Variants in LRCH3 observed in about 807,000 individuals in gnomAD.
LRCH3 encodes the protein leucine rich repeats and calponin homology domain containing 3.
A neutral mutation model predicts 104.5 loss-of-function variants in LRCH3; 68 were observed. The ratio of observed to expected loss-of-function variants is 0.65; its 90% confidence interval spans 0.54 to 0.80. LRCH3 has a LOEUF of 0.80. Ranked by LOEUF, LRCH3 falls within the 30% of genes least tolerant of loss-of-function variation. The pLI is 0.00. For missense variants in LRCH3, 951 were observed against 953.9 expected (o/e 1.00, Z 0.04); for synonymous variants, 344 against 361.3 (o/e 0.95, Z 0.54).
At chr3:197,791,689 A>G in intron 1 of LRCH3, 149 bp downstream of exon 1, 1 of 922,940 alleles carries the variant, frequency 1.1e-6, no homozygotes, top group Non-Finnish European at 1.5e-6. Flanking sequence ...CGACGGCGCC[A>G]GCCCTCCGGG....
intron 12 of LRCH3, among the ~76,000 whole-genome samples, chr3:197,849,255 G>A (rs1739214883): frequency 8.1e-6 from 1 of 122,892 alleles, no homozygotes; most frequent in Non-Finnish European, 1.6e-5. Flanking sequence ...TTGACAGAGT[G>A]AGACTCCACC....
intron 6 of LRCH3, among the ~76,000 whole-genome samples, chr3:197,830,110 G>A (rs901117187): frequency 6.6e-6 from 1 of 152,146 alleles, no homozygotes; most frequent in African/African-American, 2.4e-5. Context: ...TACTTTTTGA[G>A]TTTCATTTTT....
intron 9 of LRCH3, among the ~76,000 whole-genome samples, chr3:197,836,530 A>G (rs1479927955): frequency 1.3e-5 from 2 of 152,228 alleles, no homozygotes; most frequent in Non-Finnish European, 2.9e-5. Flanking sequence ...AGCAGTGATT[A>G]TTTGAGAAAC....
chr3:197,834,789 T>C (rs1257289145), intron 8 of LRCH3, among the ~76,000 whole-genome samples: 2 of 152,232 alleles, frequency 1.3e-5, no homozygotes, highest in Non-Finnish European at 2.9e-5. Flanking sequence ...CTACATTCTT[T>C]AGTGAACTAG....
intron 4 of LRCH3, chr3:197,823,439 C>T: frequency 6.6e-6 from 1 of 152,146 alleles, no homozygotes; most frequent in Non-Finnish European, 1.5e-5. Context: ...CTCAAACTTC[C>T]CTGCACACCA....
intron 1 of LRCH3, among the ~76,000 whole-genome samples, chr3:197,809,591 TTTTTC>T (rs1732888849): frequency 6.6e-6 from 1 of 152,018 alleles, no homozygotes; most frequent in Non-Finnish European, 1.5e-5. Flanking sequence ...TCTTTTTTTT[TTTTTC>T]CCCCAATCTG....
At chr3:197,824,762 G>A (rs1382712221) in intron 4 of LRCH3, among the ~76,000 whole-genome samples, 4 of 151,338 alleles carry the variant, frequency 2.6e-5, no homozygotes, top group Non-Finnish European at 5.9e-5. Context: ...AGTAGAGATG[G>A]GGTTTTACCA....
chr3:197,838,085 G>A (rs889084533), intron 9 of LRCH3, among the ~76,000 whole-genome samples: 2 of 151,692 alleles, frequency 1.3e-5, no homozygotes, highest in South Asian at 2.1e-4. Context: ...AGGGTGGTAA[G>A]CCACTGGTAC....
At chr3:197,831,372 T>TA (rs904058874) in intron 7 of LRCH3, 2 of 152,172 alleles carry the variant, frequency 1.3e-5, no homozygotes, top group African/African-American at 4.8e-5. Flanking sequence ...AGAAAAAAAG[T>TA]AAAAAAATAA....
At chr3:197,835,876 C>T (rs959124282) in intron 9 of LRCH3, 54 bp downstream of exon 9, 15 of 1,577,132 alleles carry the variant, frequency 9.5e-6, no homozygotes, top group Non-Finnish European at 1.2e-5. Context: ...AAAAATAATT[C>T]ATAATAGTAT....
At chr3:197,838,212 C>T (rs544654623) in intron 9 of LRCH3, among the ~76,000 whole-genome samples, 2 of 152,238 alleles carry the variant, frequency 1.3e-5, no homozygotes, top group South Asian at 4.1e-4. Flanking sequence ...TTGAGCCCGG[C>T]AGTTTGAGGC....
chr3:197,879,387 C>T (rs1399287342), intron 20 of LRCH3, among the ~76,000 whole-genome samples: 1 of 152,184 alleles, frequency 6.6e-6, no homozygotes, highest in Non-Finnish European at 1.5e-5. Context: ...TGGCTCACGC[C>T]TGTAATCCCA....
Position 197,868,376 on chromosome 3 carries a change from A to G in LRCH3, c.1874-1784A>G, listed in dbSNP as rs1390529217. 6.6e-5 allele frequency among the ~76,000 whole-genome samples: 10 copies of G among 152,370 alleles called. No individual in the cohort carries two copies. In the East Asian group the frequency reaches 1.9e-3, roughly 29 times the overall value. On this transcript the variant is annotated intron_variant, in intron 17 of 20. Transcript: ENST00000425562. ...ATAAAGGAGGATATGCATAGTTTGT[A>G]TGCAAATAATACTACATTTTATATG... is the stretch of plus-strand genomic sequence containing the variant.
At chr3:197,808,201 C>T (rs895104866) in intron 1 of LRCH3, among the ~76,000 whole-genome samples, 1 of 152,072 alleles carries the variant, frequency 6.6e-6, no homozygotes, top group Non-Finnish European at 1.5e-5. Context: ...GAGATTAGGA[C>T]AAAGACAAAG....
At chr3:197,870,646 G>A (rs942307213) in intron 18 of LRCH3, among the ~76,000 whole-genome samples, 2 of 152,100 alleles carry the variant, frequency 1.3e-5, no homozygotes, top group Non-Finnish European at 1.5e-5. Flanking sequence ...GATGGCAGGC[G>A]TGAGCTTCCG....
intron 4 of LRCH3, among the ~76,000 whole-genome samples, chr3:197,824,862 A>G (rs573462332): frequency 6.7e-4 from 100 of 149,074 alleles, no homozygotes; most frequent in Admixed American, 1.2e-3. Flanking sequence ...GAGCCACTGC[A>G]CCTGGCCTGC....
At chr3:197,837,572 C>T (rs1344788431) in intron 9 of LRCH3, among the ~76,000 whole-genome samples, 1 of 152,062 alleles carries the variant, frequency 6.6e-6, no homozygotes, top group Non-Finnish European at 1.5e-5. Context: ...AAAAACTAAC[C>T]TATGTGAGGT....
At chr3:197,852,643 T>G (rs748074760) in intron 13 of LRCH3, 23 bp downstream of exon 13, 1 of 1,607,416 alleles carries the variant, frequency 6.2e-7, no homozygotes, top group Non-Finnish European at 8.5e-7. Context: ...AATCTCCTTT[T>G]CTTTGGAGTT....
At chr3:197,864,898 G>A (rs78937171) in intron 15 of LRCH3, among the ~76,000 whole-genome samples, 22,879 of 151,600 alleles carry the variant, frequency 0.15, 2,190 homozygotes, top group African/African-American at 0.27. Flanking sequence ...ATGTGTCCCT[G>A]TAGTCTCAAC....
Sources: allele counts gnomAD v4.1 joint callset (sites outside exome capture counted in the v4.1 genomes callset), GRCh38; gene constraint gnomAD v4.1.1; transcripts MANE v1.5; gene names NCBI Gene and HGNC (gene_info 2026-07-23, HGNC 2026-07-21).